KBTBD12: variants seen among roughly 807,000 people sequenced by gnomAD.
KBTBD12 encodes kelch repeat and BTB domain containing 12.
KBTBD12 carries 53 observed loss-of-function variants against 58.7 expected under a neutral mutation model. That is an observed-to-expected ratio of 0.90 (90% CI 0.72 to 1.14). The LOEUF is 1.14. KBTBD12 is among the 50% of genes most tolerant of loss of function. The pLI is 0.00. For synonymous variants in KBTBD12, 236 were observed against 259.8 expected, an observed-to-expected ratio of 0.91 and a Z score of 0.88; for missense variants, 704 against 751.3, an observed-to-expected ratio of 0.94 and a Z score of 0.74.
At chr3:127,970,088 T>C (rs1940654437) in intron 5 of KBTBD12, among the ~76,000 whole-genome samples, 1 of 152,174 alleles carries the variant, frequency 6.6e-6, no homozygotes, top group Non-Finnish European at 1.5e-5. Flanking sequence ...TTAAGAAATC[T>C]TATAACTCAA....
chr3:127,984,404 A>G lies in KBTBD12; in HGVS notation c.*126A>G, dbSNP rs1940930783. ...CGTAGTGGCCTGTGTGTGAAGAAGC[A>G]GTGTGTGCTGGGCACTGGGTGGGGA... On this transcript the variant is annotated 3_prime_UTR_variant, in exon 6 of 6. Coordinates refer to ENST00000405109, the MANE Select transcript of KBTBD12 (RefSeq NM_207335.4). The G allele has an allele frequency of 2.2e-6, 2 of 897,754 alleles. No homozygotes were observed. Among genetic ancestry groups the G allele is most frequent in the African/African-American group, 1.7e-5 (1 of 59,778 alleles). 55.6% of individuals were successfully genotyped at this position (897,754 alleles called of 1,614,324 possible). A position where few individuals can be genotyped will look rare whatever the true frequency, so the allele number is the denominator to read the frequency against.
intron 4 of KBTBD12, among the ~76,000 whole-genome samples, chr3:127,936,934 G>C (rs187595771): frequency 6.6e-6 from 1 of 152,110 alleles, no homozygotes; most frequent in South Asian, 2.1e-4. Flanking sequence ...ACCCAAATTC[G>C]CATACCCAAG....
Position 127,926,961 on chromosome 3 carries a change from C to T in KBTBD12, c.1071-803C>T, listed in dbSNP as rs1939586688. On this transcript the variant is annotated intron_variant, in intron 2 of 5. Coordinates refer to ENST00000405109, the MANE Select transcript of KBTBD12 (RefSeq NM_207335.4). Reference sequence around the variant, plus strand: ...CTTCAATCATGATTGGAGATAAAGACTTATCATAATCATGATGCAAGACAA... The same window carrying T: ...CTTCAATCATGATTGGAGATAAAGATTTATCATAATCATGATGCAAGACAA... 4.6e-5 allele frequency among the ~76,000 whole-genome samples: 7 copies of T among 152,210 alleles called. No homozygotes were observed. The South Asian group carries it at 1.5e-3, about 32-fold the overall frequency.
chr3:127,939,901 TA>T (rs916938292), intron 4 of KBTBD12, among the ~76,000 whole-genome samples: 1 of 151,828 alleles, frequency 6.6e-6, no homozygotes, highest in African/African-American at 2.4e-5. Flanking sequence ...AGTTTAAGAG[TA>T]AAAGGCTGGA....
rs1940967086 is a variant in KBTBD12, at chr3:127,986,444, GGAAGTGGGGCA to G, written c.*2169_*2179del. On this transcript the variant is annotated 3_prime_UTR_variant, in exon 6 of 6. Coordinates refer to ENST00000405109, the MANE Select transcript of KBTBD12 (RefSeq NM_207335.4). Reference sequence around the variant, plus strand: ...GCCCAAAACAGACTCAGTGCTTTAGGGAAGTGGGGCAGATGTGCATATGGCTTGTGACGGTT... The same window carrying G: ...GCCCAAAACAGACTCAGTGCTTTAGGGATGTGCATATGGCTTGTGACGGTT... 1 of 152,132 alleles carries G rather than the reference GGAAGTGGGGCA, an allele frequency of 6.6e-6. No individual in the cohort carries two copies. Among genetic ancestry groups the G allele is most frequent in the Non-Finnish European group, 1.5e-5 (1 of 68,022 alleles). The allele number at this position is 152,132 out of a possible 1,614,324, so 9.4% of individuals were successfully genotyped here. A position where few individuals can be genotyped will look rare whatever the true frequency, so the allele number is the denominator to read the frequency against.
intron 1 of KBTBD12, among the ~76,000 whole-genome samples, chr3:127,916,648 C>G (rs1164343133): frequency 6.7e-6 from 1 of 148,698 alleles, no homozygotes; most frequent in East Asian, 2.0e-4. Context: ...TCAGTAGATG[C>G]TGGAATATTT....
At chr3:127,941,022 A>G (rs1939939315) in intron 4 of KBTBD12, among the ~76,000 whole-genome samples, 1 of 152,252 alleles carries the variant, frequency 6.6e-6, no homozygotes, top group Non-Finnish European at 1.5e-5. Context: ...ATATAACCCC[A>G]AAATGATTAA....
chr3:127,973,638 GA>G (rs58248497), intron 5 of KBTBD12, among the ~76,000 whole-genome samples: 25,130 of 150,938 alleles, frequency 0.17, 2,412 homozygotes, highest in South Asian at 0.31. Flanking sequence ...AAGGTTTCAG[GA>G]AAAAAAAAGT....
At chr3:127,927,255 A>G (rs902073527) in intron 2 of KBTBD12, among the ~76,000 whole-genome samples, 1 of 152,170 alleles carries the variant, frequency 6.6e-6, no homozygotes, top group Non-Finnish European at 1.5e-5. Flanking sequence ...GAACTACAAC[A>G]GTTCTTAAAA....
At position 127,965,707 on chromosome 3, in the gene KBTBD12, A is replaced by T. The variant is rs72983928; in HGVS notation, c.1690+2321A>T. Among the ~76,000 whole-genome samples, 858 of 152,356 alleles carry T rather than the reference A, an allele frequency of 5.6e-3. 7 individuals carry two copies. Among genetic ancestry groups the T allele is most frequent in the African/African-American group, 0.019 (775 of 41,578 alleles). On this transcript the variant is annotated intron_variant, in intron 5 of 5. Coordinates refer to ENST00000405109, the MANE Select transcript of KBTBD12 (RefSeq NM_207335.4). ...TGGATAAACATGTAATAAACATAGTAATTTGTTTTTGGTTAAAATAGTAGG... is the reference window on the plus strand; with the variant it reads ...TGGATAAACATGTAATAAACATAGTTATTTGTTTTTGGTTAAAATAGTAGG...
chr3:127,948,031 G>A (rs75749158), intron 4 of KBTBD12, among the ~76,000 whole-genome samples: 4,023 of 152,146 alleles, frequency 0.026, 166 homozygotes, highest in African/African-American at 0.091. Flanking sequence ...GTGGAAGAAT[G>A]GTTATCATAC....
chr3:127,934,482 G>A (rs1939780335), intron 4 of KBTBD12, among the ~76,000 whole-genome samples: 1 of 152,088 alleles, frequency 6.6e-6, no homozygotes, highest in African/African-American at 2.4e-5. Context: ...TGTTTAATGG[G>A]AATCCCAAAA....
intron 4 of KBTBD12, among the ~76,000 whole-genome samples, chr3:127,936,222 C>G (rs539636319): frequency 6.6e-6 from 1 of 151,882 alleles, no homozygotes; most frequent in Non-Finnish European, 1.5e-5. Context: ...AAAAGTTAGC[C>G]GGGTATGGTG....
rs981449017 is a variant in KBTBD12, at chr3:127,986,242, C to A, written c.*1964C>A. ...GGGCAAGATGACCTTTCTAAAGCCT[C>A]ATTTCCCTCATATGCAGAGTGGGAA... On this transcript the variant is annotated 3_prime_UTR_variant, in exon 6 of 6. Transcript: ENST00000405109. The A allele has an allele frequency of 2.0e-5, 3 of 152,670 alleles. No individual in the cohort carries two copies. The highest frequency in any genetic ancestry group is 6.5e-5 in the Admixed American group (1 of 15,290). 9.5% of individuals were successfully genotyped at this position (152,670 alleles called of 1,614,324 possible).
At chr3:127,974,619 T>C (rs1462632696) in intron 5 of KBTBD12, among the ~76,000 whole-genome samples, 1 of 152,246 alleles carries the variant, frequency 6.6e-6, no homozygotes, top group Non-Finnish European at 1.5e-5. Flanking sequence ...ACAAGTTCCC[T>C]GTTCCATACA....
At chr3:127,944,079 C>T (rs1291130743) in intron 4 of KBTBD12, among the ~76,000 whole-genome samples, 1 of 152,084 alleles carries the variant, frequency 6.6e-6, no homozygotes, top group Non-Finnish European at 1.5e-5. Flanking sequence ...CTGTTTTGAT[C>T]ACTATAGCTT....
At chr3:127,949,157 G>A (rs887521745) in intron 4 of KBTBD12, among the ~76,000 whole-genome samples, 2 of 152,296 alleles carry the variant, frequency 1.3e-5, no homozygotes, top group Non-Finnish European at 2.9e-5. Flanking sequence ...TACAAATCTA[G>A]GGGTTTGGAA....
In KBTBD12 at chr3:127,923,161, G is replaced by A. The variant is rs779224065; in HGVS notation, c.100G>A (p.Val34Ile). The A allele has an allele frequency of 1.2e-6, 2 of 1,611,452 alleles. No homozygotes were observed. Among genetic ancestry groups the A allele is most frequent in the Non-Finnish European group, 1.7e-6 (2 of 1,177,628 alleles). The change falls in exon 2 of 6, where the codon GTA (valine) becomes ATA (isoleucine). Residue 34 changes from valine (V) to isoleucine (I), a missense_variant. By Grantham distance (29) the Val-to-Ile change is conservative (BLOSUM62 3). Transcript: ENST00000405109. Reference sequence around the variant, plus strand: ...AGAATTAGCAGAAATGATTGATGTGGTACTCACAGCAGAAGGAGAGAAATT... The same window carrying A: ...AGAATTAGCAGAAATGATTGATGTGATACTCACAGCAGAAGGAGAGAAATT... The part of the protein sequence containing the change: ...MKELAEMIDV[V>I]LTAEGEKFPC...
chr3:127,925,217 A>C (rs10934831), intron 2 of KBTBD12, among the ~76,000 whole-genome samples: 7,338 of 152,240 alleles, frequency 0.048, 242 homozygotes, highest in East Asian at 0.15. Context: ...TGGGTGACCT[A>C]GACCCGTGCC....
Sources: allele counts gnomAD v4.1 joint callset (sites outside exome capture counted in the v4.1 genomes callset), GRCh38; gene constraint gnomAD v4.1.1; transcripts MANE v1.5; gene names NCBI Gene and HGNC (gene_info 2026-07-23, HGNC 2026-07-21).